ARL15: variants seen among roughly 807,000 people sequenced by gnomAD.
The protein encoded by ARL15 is ADP-ribosylation factor-like protein 15.
In ARL15, 19 loss-of-function variants were observed where a neutral mutation model predicts 25.2. That is an observed-to-expected ratio of 0.75 (90% CI 0.53 to 1.10). ARL15 has a LOEUF of 1.10. Among genes scored for constraint, ARL15 ranks in the 50% least tolerant of loss-of-function variants. ARL15 has a pLI of 0.00. For synonymous variants in ARL15, 94 were observed against 86.8 expected (o/e 1.08, Z -0.46); for missense variants, 220 against 246.0 (o/e 0.89, Z 0.71).
At chr5:54,258,333 G>T (rs1757417518) in intron 1 of ARL15, among the ~76,000 whole-genome samples, 1 of 151,992 alleles carries the variant, frequency 6.6e-6, no homozygotes, top group African/African-American at 2.4e-5. Flanking sequence ...GTCTCAAAAA[G>T]AAATCAACCC....
intron 4 of ARL15, among the ~76,000 whole-genome samples, chr5:53,920,941 C>T (rs1351039933): frequency 6.6e-6 from 1 of 152,120 alleles, no homozygotes; most frequent in South Asian, 2.1e-4. Context: ...TCCTTCTCTC[C>T]CTTTTCATAA....
intron 4 of ARL15, among the ~76,000 whole-genome samples, chr5:54,041,364 T>C (rs1026070080): frequency 6.6e-6 from 1 of 152,204 alleles, no homozygotes; most frequent in Non-Finnish European, 1.5e-5. Context: ...TTCTGAAAAC[T>C]ACATCTGCAC....
In ARL15 at chr5:54,252,479, CA is replaced by C. The variant is rs200008528; in HGVS notation, c.48+57952del. Reference sequence around the variant, plus strand: ...CTGGACTTTCTGAAGTTTCAGCAAACAAGTCTTTAATAAAGATACCATGCAT... The same window carrying C: ...CTGGACTTTCTGAAGTTTCAGCAAACAGTCTTTAATAAAGATACCATGCAT... On this transcript the variant is annotated intron_variant, in intron 1 of 4. Coordinates refer to ENST00000504924, the MANE Select transcript of ARL15 (RefSeq NM_019087.3). Among the ~76,000 whole-genome samples the C allele has an allele frequency of 8.4e-3, 1,284 of 152,214 alleles. 27 individuals carry two copies. Among genetic ancestry groups the C allele is most frequent in the African/African-American group, 0.029 (1,224 of 41,526 alleles).
intron 1 of ARL15, among the ~76,000 whole-genome samples, chr5:54,245,595 C>T (rs987527745): frequency 1.3e-4 from 20 of 148,378 alleles, no homozygotes; most frequent in Non-Finnish European, 2.8e-4. Context: ...ATGGGGACTT[C>T]TTTTTTTTTT....
At chr5:54,184,445 A>T (rs1335210897) in intron 1 of ARL15, among the ~76,000 whole-genome samples, 1 of 15,292 alleles carries the variant, frequency 6.5e-5, no homozygotes, top group African/African-American at 1.5e-3. Flanking sequence ...TCTTTAAAAA[A>T]AAAAAAAAAA....
At chr5:53,939,757 G>T (rs774715335) in intron 4 of ARL15, among the ~76,000 whole-genome samples, 11 of 151,724 alleles carry the variant, frequency 7.3e-5, no homozygotes, top group Non-Finnish European at 1.6e-4. Flanking sequence ...ATAAAATAAA[G>T]AAAGAAAGAA....
At chr5:54,222,044 C>T (rs186569614) in intron 1 of ARL15, among the ~76,000 whole-genome samples, 88 of 152,194 alleles carry the variant, frequency 5.8e-4, no homozygotes, top group Non-Finnish European at 1.0e-3. Flanking sequence ...ATTTTAAATA[C>T]TAGAGGATGG....
chr5:53,978,535 T>C (rs1748015041), intron 4 of ARL15, among the ~76,000 whole-genome samples: 1 of 147,790 alleles, frequency 6.8e-6, no homozygotes. Context: ...CCTATAGTCC[T>C]AGAACTTTGG....
At chr5:54,135,593 G>T (rs1391603187) in intron 3 of ARL15, among the ~76,000 whole-genome samples, 2 of 152,164 alleles carry the variant, frequency 1.3e-5, no homozygotes, top group Non-Finnish European at 2.9e-5. Context: ...AAGAAACAGA[G>T]AGTTGCATTT....
At chr5:54,084,784 AT>A (rs141729918) in intron 4 of ARL15, among the ~76,000 whole-genome samples, 5,390 of 152,230 alleles carry the variant, frequency 0.035, 332 homozygotes, top group African/African-American at 0.12. Flanking sequence ...GTGTGGCACC[AT>A]GTTCTGGCGA....
intron 3 of ARL15, among the ~76,000 whole-genome samples, chr5:54,139,465 G>C (rs1160842701): frequency 6.6e-6 from 1 of 152,078 alleles, no homozygotes; most frequent in Non-Finnish European, 1.5e-5. Flanking sequence ...CTAAGCTATG[G>C]GTACGCAAAG....
Position 54,072,736 on chromosome 5 carries a change from C to T in ARL15, c.462+40466G>A, listed in dbSNP as rs187430125. ...CTGCATTAGGGAAAAAATGAAATAT[C>T]CTCTTTCCACATATTTATTTCATAT... On this transcript the variant is annotated intron_variant, in intron 4 of 4. Transcript: ENST00000504924. Among the ~76,000 whole-genome samples the T allele has an allele frequency of 3.5e-4, 54 of 152,284 alleles. No homozygotes were observed. In the South Asian group the frequency reaches 4.2e-3, roughly 12 times the overall value.
rs1579966557 is a variant in ARL15 at position 54,268,122 on chromosome 5, G to C, written c.48+42310C>G. On this transcript the variant is annotated intron_variant, in intron 1 of 4. Transcript: ENST00000504924. ...AGGTACACCAATCAGACGTAGATTT[G>C]GTCTTTTCACATAGTCCCATATTTC... Among the ~76,000 whole-genome samples the C allele has an allele frequency of 3.3e-5, 5 of 151,552 alleles. No homozygotes were observed. The South Asian group carries it at 1.1e-3, about 32-fold the overall frequency.
chr5:53,987,183 G>T (rs1232382529), intron 4 of ARL15, among the ~76,000 whole-genome samples: 4 of 152,148 alleles, frequency 2.6e-5, no homozygotes, highest in East Asian at 3.8e-4. Context: ...GTTTTGAAAA[G>T]GTCATCTTTT....
intron 4 of ARL15, among the ~76,000 whole-genome samples, chr5:54,093,184 C>A (rs1752181561): frequency 1.3e-5 from 2 of 152,164 alleles, no homozygotes; most frequent in Admixed American, 6.5e-5. Context: ...AGAATGGTGT[C>A]TATTGTTGAA....
chr5:54,101,498 A>C (rs1752437435), intron 4 of ARL15, among the ~76,000 whole-genome samples: 1 of 152,142 alleles, frequency 6.6e-6, no homozygotes, highest in Admixed American at 6.6e-5. Context: ...TGTTCTAAAT[A>C]ATTGAAGGGC....
intron 4 of ARL15, among the ~76,000 whole-genome samples, chr5:53,981,862 T>C (rs907526395): frequency 1.4e-4 from 21 of 149,180 alleles, no homozygotes; most frequent in African/African-American, 4.9e-4. Flanking sequence ...ATCAGGCCAT[T>C]GCACTCCAGA....
chr5:53,899,366 A>C (rs1280278928), intron 4 of ARL15, among the ~76,000 whole-genome samples: 18 of 32,700 alleles, frequency 5.5e-4, no homozygotes, highest in Non-Finnish European at 7.9e-4. Flanking sequence ...AAAAAAAAAA[A>C]AAAAAAAAAA....
intron 4 of ARL15, among the ~76,000 whole-genome samples, chr5:53,989,427 C>T (rs577815303): frequency 6.6e-6 from 1 of 152,232 alleles, no homozygotes; most frequent in East Asian, 1.9e-4. Flanking sequence ...CCTCGCTTTA[C>T]AAAAAAGATT....
Sources: allele counts gnomAD v4.1 joint callset (sites outside exome capture counted in the v4.1 genomes callset), GRCh38; gene constraint gnomAD v4.1.1; transcripts MANE v1.5; gene names NCBI Gene and HGNC (gene_info 2026-07-23, HGNC 2026-07-21).